The following CYYR1 variants were observed in gnomAD, a reference collection of about 807,000 sequenced individuals.
CYYR1 encodes cysteine and tyrosine rich 1, also known as cysteine and tyrosine-rich protein 1.
Under a neutral mutation model 15.2 loss-of-function variants are expected in CYYR1, and 14 were observed. That is an observed-to-expected ratio of 0.92 (90% confidence interval 0.61 to 1.44). The LOEUF (loss-of-function observed/expected upper bound fraction) is 1.44, where lower values mean the gene tolerates loss of function less well. CYYR1 is among the 40% of genes most tolerant of loss of function. The pLI is 0.00. For synonymous variants in CYYR1, 80 were observed against 77.4 expected, an observed-to-expected ratio of 1.03 and a Z score of -0.18; for missense variants, 228 against 209.5, an observed-to-expected ratio of 1.09 and a Z score of -0.54.
intron 2 of CYYR1, among the ~76,000 whole-genome samples, chr21:26,495,686 C>A (rs560480319): frequency 6.6e-6 from 1 of 152,290 alleles, no homozygotes; most frequent in East Asian, 1.9e-4. Flanking sequence ...GAGAGAGCCA[C>A]ACGGGTGAAC....
intron 2 of CYYR1, among the ~76,000 whole-genome samples, chr21:26,507,127 A>G (rs1392161207): frequency 1.3e-5 from 2 of 152,114 alleles, no homozygotes; most frequent in Non-Finnish European, 2.9e-5. Context: ...TAAAATTCAC[A>G]CTCAATTTTG....
rs1221787842 is a variant in CYYR1 at position 26,468,393 on chromosome 21, C to T, written c.*108G>A. The T allele has an allele frequency of 8.7e-6, 7 of 809,234 alleles. No homozygotes were observed. The highest frequency in any genetic ancestry group is 2.7e-5 in the South Asian group (2 of 73,298). 50.1% of individuals were successfully genotyped at this position (809,234 alleles called of 1,614,324 possible). On this transcript the variant is annotated 3_prime_UTR_variant, in exon 4 of 4. Coordinates refer to ENST00000652641, the MANE Select transcript of CYYR1 (RefSeq NM_001320768.2). ...ATATTCCACCTGACACATTATCTGA[C>T]CCCAAAAAGTATTCCTTGGAGCAAT...
intron 2 of CYYR1, among the ~76,000 whole-genome samples, chr21:26,541,326 T>C (rs1014466572): frequency 2.0e-5 from 3 of 151,902 alleles, no homozygotes; most frequent in Non-Finnish European, 2.9e-5. Context: ...ATTCGATAGA[T>C]AAAAACAAAA....
At chr21:26,539,360 C>A (rs1978388641) in intron 2 of CYYR1, among the ~76,000 whole-genome samples, 1 of 151,924 alleles carries the variant, frequency 6.6e-6, no homozygotes, top group African/African-American at 2.4e-5. Flanking sequence ...TCCTATAATC[C>A]CTCTGATTTC....
intron 2 of CYYR1, among the ~76,000 whole-genome samples, chr21:26,521,999 A>C (rs926647248): frequency 9.9e-5 from 15 of 152,208 alleles, no homozygotes; most frequent in Admixed American, 9.2e-4. Context: ...AATGAATTCT[A>C]TCTGAAGTGA....
intron 2 of CYYR1, among the ~76,000 whole-genome samples, chr21:26,562,423 T>C (rs1980265471): frequency 1.3e-5 from 2 of 152,136 alleles, no homozygotes; most frequent in South Asian, 4.1e-4. Context: ...AGAAAAGTAC[T>C]GAATTATTTT....
chr21:26,518,176 C>T (rs998303586), intron 2 of CYYR1, among the ~76,000 whole-genome samples: 13 of 152,246 alleles, frequency 8.5e-5, no homozygotes, highest in African/African-American at 2.2e-4. Flanking sequence ...AGAAATCAGC[C>T]GCTATGTGAA....
At chr21:26,489,126 A>G (rs992038914) in intron 2 of CYYR1, among the ~76,000 whole-genome samples, 1 of 152,186 alleles carries the variant, frequency 6.6e-6, no homozygotes, top group African/African-American at 2.4e-5. Context: ...AGAACCAGGA[A>G]AGCAAGAGAC....
intron 2 of CYYR1, among the ~76,000 whole-genome samples, chr21:26,510,920 G>A (rs971962772): frequency 1.1e-4 from 17 of 152,254 alleles, no homozygotes; most frequent in Middle Eastern, 6.8e-3. Flanking sequence ...AGTCAAATAT[G>A]TGGATTTCTC....
At chr21:26,489,950 T>C (rs778196937) in intron 2 of CYYR1, among the ~76,000 whole-genome samples, 11 of 152,228 alleles carry the variant, frequency 7.2e-5, no homozygotes, top group Non-Finnish European at 1.2e-4. Flanking sequence ...CTCAGTCATT[T>C]TGCCTACAAT....
intron 2 of CYYR1, among the ~76,000 whole-genome samples, chr21:26,507,614 AAAG>A (rs1396549689): frequency 2.0e-5 from 3 of 152,238 alleles, no homozygotes; most frequent in Admixed American, 1.3e-4. Context: ...GCTGTGAGCC[AAAG>A]AAGAATTACA....
rs1018078505 is a variant in CYYR1, at chr21:26,472,507, G to C, written c.335-3873C>G. Among the ~76,000 whole-genome samples, 42 of 151,832 alleles carry C rather than the reference G, an allele frequency of 2.8e-4. 1 individual carries two copies. The highest frequency in any genetic ancestry group is 1.0e-3 in the African/African-American group (42 of 41,358). On this transcript the variant is annotated intron_variant, in intron 3 of 3. Coordinates refer to ENST00000652641, the MANE Select transcript of CYYR1 (RefSeq NM_001320768.2). ...TTTTAGTAAATTAAGTAAAAATTTAGGTCTTTGTTTTACTTGATCATTTCT... is the reference window on the plus strand; with the variant it reads ...TTTTAGTAAATTAAGTAAAAATTTACGTCTTTGTTTTACTTGATCATTTCT...
intron 2 of CYYR1, among the ~76,000 whole-genome samples, chr21:26,533,094 T>A (rs1472077332): frequency 6.6e-6 from 1 of 151,506 alleles, no homozygotes; most frequent in Non-Finnish European, 1.5e-5. Context: ...ACCCGGAATC[T>A]CATGAGCCAA....
chr21:26,500,571 C>T (rs997944253), intron 2 of CYYR1, among the ~76,000 whole-genome samples: 1 of 152,174 alleles, frequency 6.6e-6, no homozygotes, highest in Non-Finnish European at 1.5e-5. Context: ...ATTAGAGAGG[C>T]CCAGTGGCTT....
In CYYR1 at chr21:26,573,171, TG is replaced by T; in HGVS notation, c.-232del. The T allele has an allele frequency of 6.8e-7, 1 of 1,478,992 alleles. No homozygotes were observed. Among genetic ancestry groups the T allele is most frequent in the Non-Finnish European group, 9.0e-7 (1 of 1,115,128 alleles). The allele number at this position is 1,478,992 out of a possible 1,614,324, so 91.6% of individuals were successfully genotyped here. A position where few individuals can be genotyped will look rare whatever the true frequency, so the allele number is the denominator to read the frequency against. ...GCCCGTGGCCCGAGACGGGCTGCGC[TG>T]GGGGCCCAGGTCTCTTTGTCTCGCC... On this transcript the variant is annotated 5_prime_UTR_variant, in exon 1 of 4. Coordinates refer to ENST00000652641, the MANE Select transcript of CYYR1 (RefSeq NM_001320768.2).
In CYYR1 at chr21:26,480,321, G is replaced by A. The variant is rs374456663; in HGVS notation, c.285C>T (p.Arg95=). The change falls in exon 3 of 4, where the codon CGC becomes CGT. Residue 95 remains arginine (R), a synonymous_variant. Transcript: ENST00000652641. ...CMCMKNHRAT[R]VGILRTTHIN... The stretch of plus-strand genomic sequence containing the variant: ...TGTGAGTCGTCCTGAGGATGCCCAC[G>A]CGGGTCGCCCTGTGGTTCTTCATGC... The A allele has an allele frequency of 9.3e-6, 15 of 1,613,324 alleles. No individual in the cohort carries two copies. In the South Asian group the frequency reaches 9.9e-5, roughly 11 times the overall value.
intron 3 of CYYR1, among the ~76,000 whole-genome samples, chr21:26,472,835 A>G (rs979336489): frequency 6.6e-6 from 1 of 152,122 alleles, no homozygotes; most frequent in East Asian, 1.9e-4. Flanking sequence ...CAAGTTTAAA[A>G]ATTAGTCTTC....
At position 26,572,990 on chromosome 21, in the gene CYYR1, G is replaced by A. The variant is rs1981108373; in HGVS notation, c.-50C>T. On this transcript the variant is annotated 5_prime_UTR_variant, in exon 1 of 4. Coordinates refer to ENST00000652641, the MANE Select transcript of CYYR1 (RefSeq NM_001320768.2). ...AGCGAAGGGAGAGCCCGGAACCGGA[G>A]GGAATGGGGAGGATGGAGGGCGATC... is the stretch of plus-strand genomic sequence containing the variant. The A allele has an allele frequency of 6.2e-7, 1 of 1,612,832 alleles. No homozygotes were observed. The highest frequency in any genetic ancestry group is 8.5e-7 in the Non-Finnish European group (1 of 1,179,476).
chr21:26,471,601 A>G (rs1003104850), intron 3 of CYYR1: 2 of 152,230 alleles, frequency 1.3e-5, no homozygotes, highest in African/African-American at 4.8e-5. Flanking sequence ...CATCTTTTAT[A>G]ATATCAGCCA....
Sources: gnomAD v4.1 joint callset for allele counts (sites outside exome capture counted in the v4.1 genomes callset) on GRCh38, gnomAD v4.1.1 for gene constraint, MANE v1.5 for transcripts, NCBI Gene and HGNC (gene_info 2026-07-23, HGNC 2026-07-21) for gene names.